Variants in DNAH1 observed in about 807,000 individuals in gnomAD.
DNAH1 encodes the protein dynein axonemal heavy chain 1.
DNAH1 carries 327 observed loss-of-function variants against 484.3 expected under a neutral mutation model. The observed-to-expected ratio is 0.68, with a 90% confidence interval of 0.62 to 0.74. The LOEUF is 0.74. DNAH1 is among the 30% of genes least tolerant of loss of function. The pLI, the probability that DNAH1 is intolerant of heterozygous loss-of-function variation, is 0.00. For synonymous variants in DNAH1, 2,192 were observed against 2,191.9 expected, an observed-to-expected ratio of 1.00 and a Z score of 0.00; for missense variants, 5,052 against 5,546.8, an observed-to-expected ratio of 0.91 and a Z score of 2.83.
intron 11 of DNAH1, 27 bp from the exon 12 acceptor site, chr3:52,347,797 C>T (rs566416375): frequency 1.9e-6 from 3 of 1,549,346 alleles, no homozygotes; most frequent in East Asian, 2.4e-5. Context: ...AGGCCTCTGC[C>T]CACAGTCAGC....
At position 52,362,809 on chromosome 3, in the gene DNAH1, T is replaced by G. The variant is rs566018369; in HGVS notation, c.5095-186T>G. Among the ~76,000 whole-genome samples, 10 of 152,140 alleles carry G rather than the reference T, an allele frequency of 6.6e-5. No homozygotes were observed. The highest frequency in any genetic ancestry group is 4.6e-4 in the Admixed American group (7 of 15,292). On this transcript the variant is annotated intron_variant, in intron 31 of 77. Coordinates refer to ENST00000420323, the MANE Select transcript of DNAH1 (RefSeq NM_015512.5). This position sits in a 1 kb window ranked among gnomAD's most constrained non-coding sequence, Gnocchi z 5.1. ...CTCCTGGGAGTCATGTGGGGGCAGG[T>G]TTGGATCAACACCAAGGATCCACTC...
At position 52,327,001 on chromosome 3, in the gene DNAH1, A is replaced by C. The variant is rs1701371181; in HGVS notation, c.738+110A>C. 2.9e-6 allele frequency: 4 copies of C among 1,366,506 alleles called. No individual in the cohort carries two copies. In the Admixed American group the frequency reaches 1.0e-4, roughly 34 times the overall value. 84.6% of individuals were successfully genotyped at this position (1,366,506 alleles called of 1,614,324 possible). On this transcript the variant is annotated intron_variant, in intron 5 of 77. Coordinates refer to ENST00000420323, the MANE Select transcript of DNAH1 (RefSeq NM_015512.5). ...GGATTCCCCCACCAGTCACCAGCACACTCTTGTCAAACAGGGCAGGTCAAC... is the reference window on the plus strand; with the variant it reads ...GGATTCCCCCACCAGTCACCAGCACCCTCTTGTCAAACAGGGCAGGTCAAC...
At chr3:52,374,998 T>C (rs1463104053) in intron 44 of DNAH1, 2 of 532,494 alleles carry the variant, frequency 3.8e-6, no homozygotes, top group Non-Finnish European at 3.4e-6. Flanking sequence ...TTCACTAACG[T>C]TGTATATGAA....
At chr3:52,322,805 C>G in intron 2 of DNAH1, 30 bp downstream of exon 2, 1 of 1,555,480 alleles carries the variant, frequency 6.4e-7, no homozygotes, top group Non-Finnish European at 8.7e-7. Context: ...CCTACCAAGC[C>G]TCAACCCTTC....
At chr3:52,328,322 A>C (rs941568763) in intron 6 of DNAH1, among the ~76,000 whole-genome samples, 4 of 152,108 alleles carry the variant, frequency 2.6e-5, no homozygotes, top group Non-Finnish European at 4.4e-5. Context: ...GAGGGGCACA[A>C]TTCCACTCTC....
intron 51 of DNAH1, 77 bp downstream of exon 51, chr3:52,383,671 A>G (rs749204706): frequency 2.8e-6 from 4 of 1,453,072 alleles, no homozygotes; most frequent in Non-Finnish European, 2.7e-6. Flanking sequence ...GGGACACTGG[A>G]TGCCATGCGC....
chr3:52,389,346 T>G, intron 59 of DNAH1, 115 bp from the exon 60 acceptor site: 1 of 1,461,222 alleles, frequency 6.8e-7, no homozygotes, highest in Non-Finnish European at 9.4e-7. Flanking sequence ...TGCAGGTATC[T>G]GGCTCCATGT....
chr3:52,385,391 C>G lies in DNAH1; in HGVS notation c.8569C>G (p.His2857Asp). The G allele has an allele frequency of 6.4e-7, 1 of 1,553,070 alleles. No individual in the cohort carries two copies. The highest frequency in any genetic ancestry group is 8.7e-7 in the Non-Finnish European group (1 of 1,147,746). The change falls in exon 54 of 78, where the codon CAC becomes GAC. Residue 2857 changes from histidine (H) to aspartate (D), a missense_variant. His to Asp is a moderately conservative substitution (Grantham distance 81, BLOSUM62 -1). This residue lies in a region of DNAH1 where 2,929 missense variants were observed against 3,409.4 expected (regional missense o/e 0.86). Transcript: ENST00000420323. ...AKMQEDLESM[H>D]PLLEEAAKDT... is the part of the protein sequence containing the mutation. ...GATGCAGGAGGACCTGGAGAGTATG[C>G]ACCCCCTGCTGGAGGAGGCTGCCAA... is the stretch of plus-strand genomic sequence containing the variant.
At chr3:52,345,871 T>C (rs1438866355) in intron 10 of DNAH1, among the ~76,000 whole-genome samples, 165 bp downstream of exon 10, 2 of 152,136 alleles carry the variant, frequency 1.3e-5, no homozygotes, top group South Asian at 2.1e-4. Flanking sequence ...CTAGACCTTA[T>C]TGGAGGCTGG....
At chr3:52,338,182 C>G (rs1157661493) in intron 8 of DNAH1, among the ~76,000 whole-genome samples, 4 of 152,130 alleles carry the variant, frequency 2.6e-5, no homozygotes, top group African/African-American at 9.7e-5. Context: ...GATCTCTGCT[C>G]ACTGCAACCT....
intron 39 of DNAH1, 88 bp downstream of exon 39, chr3:52,370,317 G>T (rs1219880069): frequency 9.6e-6 from 15 of 1,562,876 alleles, no homozygotes; most frequent in Non-Finnish European, 1.3e-5. Flanking sequence ...GAGAGAATTG[G>T]ATTGGTGCAA....
intron 8 of DNAH1, among the ~76,000 whole-genome samples, chr3:52,338,328 C>T (rs1701807536): frequency 6.6e-6 from 1 of 152,244 alleles, no homozygotes; most frequent in Non-Finnish European, 1.5e-5. Flanking sequence ...AGGCTGTTTT[C>T]GAACTCCTGA....
intron 16 of DNAH1, among the ~76,000 whole-genome samples, chr3:52,350,819 GTC>G (rs1578121701): frequency 6.6e-6 from 1 of 152,330 alleles, no homozygotes; most frequent in East Asian, 1.9e-4. Flanking sequence ...CCCCAACCCT[GTC>G]TCTGTCCTGT....
At chr3:52,317,813 G>A (rs1007714116) in intron 1 of DNAH1, 1 of 152,392 alleles carries the variant, frequency 6.6e-6, no homozygotes, top group African/African-American at 2.4e-5. Context: ...CTCCCGCCCT[G>A]CGGTGCCGGA....
At chr3:52,365,807 G>A (rs566329724) in intron 34 of DNAH1, among the ~76,000 whole-genome samples, 9 of 152,276 alleles carry the variant, frequency 5.9e-5, no homozygotes, top group South Asian at 2.1e-4. Context: ...TGTGCAGCTC[G>A]AATGCTTCCT....
At position 52,389,575 on chromosome 3, in the gene DNAH1, C is replaced by T. The variant is rs759727960; in HGVS notation, c.9610C>T (p.Arg3204Ter). 22 of 1,500,372 alleles carry T rather than the reference C, an allele frequency of 1.5e-5. No homozygotes were observed. The highest frequency in any genetic ancestry group is 5.7e-5 in the African/African-American group (4 of 69,584). The allele number at this position is 1,500,372 out of a possible 1,614,324, so 92.9% of individuals were successfully genotyped here. A position where few individuals can be genotyped will look rare whatever the true frequency, so the allele number is the denominator to read the frequency against. ...IGTLGNPVKI[R>*]SWQIAGLPND... ...GACGCTGGGGAACCCTGTGAAGATC[C>T]GATCGTGGCAGGTGCCCACCCCAGG... Residue 3204 changes from arginine to a stop codon, truncating the protein, a stop_gained, in exon 60 of 78, where the codon CGA becomes TGA. Coordinates refer to ENST00000420323, the MANE Select transcript of DNAH1 (RefSeq NM_015512.5). LOFTEE classifies it high-confidence loss of function.
At chr3:52,339,261 TATTTTCTCTC>T (rs1701842978) in intron 8 of DNAH1, among the ~76,000 whole-genome samples, 1 of 152,136 alleles carries the variant, frequency 6.6e-6, no homozygotes. Flanking sequence ...TTACTTCCTT[TATTTTCTCTC>T]ATTTTTATTC....
At chr3:52,378,840 C>A in intron 47 of DNAH1, 60 bp downstream of exon 47, 2 of 1,594,804 alleles carry the variant, frequency 1.3e-6, no homozygotes, top group Admixed American at 1.7e-5. Context: ...CCTCCCCAGC[C>A]CCACCAATTT....
chr3:52,358,521 C>T lies in DNAH1; in HGVS notation c.4087-37C>T. 6.4e-7 allele frequency: 1 copy of T among 1,566,136 alleles called. No individual in the cohort carries two copies. Among genetic ancestry groups the T allele is most frequent in the Non-Finnish European group, 8.6e-7 (1 of 1,156,588 alleles). Reference sequence around the variant, plus strand: ...TGGTGGCCAGGGCATCTGGGCACACCAGGGTGACCCCACTCCTGCTCCTCC... The same window carrying T: ...TGGTGGCCAGGGCATCTGGGCACACTAGGGTGACCCCACTCCTGCTCCTCC... On this transcript the variant is annotated intron_variant, in intron 24 of 77. Transcript: ENST00000420323. The surrounding 1 kb of genome is among the most constrained non-coding windows in gnomAD (Gnocchi z 4.2).
Sources: gnomAD v4.1 joint callset for allele counts (sites outside exome capture counted in the v4.1 genomes callset) on GRCh38, gnomAD v4.1.1 for gene constraint, gnomAD v4.1.1 regional missense constraint, Gnocchi (gnomAD v3.1) non-coding constraint, MANE v1.5 for transcripts, NCBI Gene and HGNC (gene_info 2026-07-23, HGNC 2026-07-21) for gene names.